Variants in GRIN2A observed in about 807,000 individuals in gnomAD.
The protein encoded by GRIN2A is glutamate receptor ionotropic, NMDA 2A.
GRIN2A carries 22 observed loss-of-function variants against 113.4 expected under a neutral mutation model. That is an observed-to-expected ratio of 0.19 (90% CI 0.14 to 0.28). The LOEUF is 0.28. GRIN2A is among the 10% of genes least tolerant of loss of function. The pLI, the probability that GRIN2A is intolerant of heterozygous loss-of-function variation, is 1.00. For missense variants in GRIN2A, 1,502 were observed against 1,887.0 expected, an observed-to-expected ratio of 0.80 and a Z score of 3.78; for synonymous variants, 827 against 738.4, an observed-to-expected ratio of 1.12 and a Z score of -1.94.
chr16:10,154,088 C>T (rs543688267), intron 2 of GRIN2A, among the ~76,000 whole-genome samples: 1 of 152,306 alleles, frequency 6.6e-6, no homozygotes, highest in South Asian at 2.1e-4. Flanking sequence ...GAGCCCTTTC[C>T]TGGCCCCTTG....
chr16:9,873,313 A>G (rs1370109116), intron 4 of GRIN2A, among the ~76,000 whole-genome samples: 1 of 152,230 alleles, frequency 6.6e-6, no homozygotes, highest in Non-Finnish European at 1.5e-5. Flanking sequence ...TATGCATGTA[A>G]CAAAATTACA....
In GRIN2A at chr16:10,181,955, T is replaced by A. The variant is rs1399783931; in HGVS notation, c.-97A>T. ...CTCGGCCGCCTCAGCAGCCACCGGG[T>A]TTAGCGGGTTCCCGCATGCTGCGGC... is the stretch of plus-strand genomic sequence containing the variant. On this transcript the variant is annotated 5_prime_UTR_variant, in exon 1 of 13. Coordinates refer to ENST00000330684, the MANE Select transcript of GRIN2A (RefSeq NM_001134407.3). 6.5e-6 allele frequency: 1 copy of A among 152,728 alleles called. No individual in the cohort carries two copies. Among genetic ancestry groups the A allele is most frequent in the East Asian group, 1.9e-4 (1 of 5,170 alleles). 9.5% of individuals were successfully genotyped at this position (152,728 alleles called of 1,614,324 possible). A position where few individuals can be genotyped will look rare whatever the true frequency, so the allele number is the denominator to read the frequency against.
chr16:10,011,748 A>C (rs1197972032), intron 2 of GRIN2A, among the ~76,000 whole-genome samples: 1 of 152,150 alleles, frequency 6.6e-6, no homozygotes, highest in Non-Finnish European at 1.5e-5. Flanking sequence ...CAGAATCAGA[A>C]AGTGGGAATC....
At chr16:9,806,237 A>G (rs1365118172) in intron 10 of GRIN2A, among the ~76,000 whole-genome samples, 1 of 152,248 alleles carries the variant, frequency 6.6e-6, no homozygotes, top group Non-Finnish European at 1.5e-5. Flanking sequence ...TTACTAATTT[A>G]TAACTTCTGC....
In GRIN2A at chr16:9,769,331, A is replaced by G. The variant is rs1489197309; in HGVS notation, c.2357-242T>C. 2.4e-5 allele frequency: 5 copies of G among 211,006 alleles called. 1 individual carries two copies. Among genetic ancestry groups the G allele is most frequent in the Non-Finnish European group, 4.7e-5 (5 of 106,936 alleles). The allele number at this position is 211,006 out of a possible 1,614,324, so 13.1% of individuals were successfully genotyped here. On this transcript the variant is annotated intron_variant, in intron 11 of 12. Transcript: ENST00000330684. ...TATAAAAATAGAGAATATAATATAT[A>G]TATAGAGAGAGAGTATAGCAAACTT...
rs761603652 is a variant in GRIN2A at position 9,938,474 on chromosome 16, A to G, written c.492T>C (p.Asp164=). The G allele has an allele frequency of 1.9e-6, 3 of 1,613,496 alleles. No homozygotes were observed. In the East Asian group the frequency reaches 6.7e-5, roughly 36 times the overall value. The part of the protein sequence containing the change: ...QATVMLKIMQ[D]YDWHVFSLVT... ...CCAGGGAGAAGACATGCCAGTCATA[A>G]TCCTGCATGATCTTCAGCATGACCG... is the stretch of plus-strand genomic sequence containing the variant. The change falls in exon 3 of 13, where the codon GAT becomes GAC. Residue 164 remains aspartate (D), a synonymous_variant. Transcript: ENST00000330684.
intron 2 of GRIN2A, among the ~76,000 whole-genome samples, chr16:10,095,871 A>C (rs555028527): frequency 1.2e-4 from 18 of 151,472 alleles, no homozygotes; most frequent in South Asian, 8.4e-4. Flanking sequence ...ATATTCCTAC[A>C]AAAAAAAAGT....
At chr16:9,860,114 C>A (rs1299781694) in intron 4 of GRIN2A, among the ~76,000 whole-genome samples, 1 of 151,998 alleles carries the variant, frequency 6.6e-6, no homozygotes, top group East Asian at 1.9e-4. Flanking sequence ...AAGAACACAG[C>A]TTCCTAATCT....
chr16:9,860,925 A>G (rs2043056640), intron 4 of GRIN2A, among the ~76,000 whole-genome samples: 1 of 152,238 alleles, frequency 6.6e-6, no homozygotes, highest in Admixed American at 6.5e-5. Flanking sequence ...ACTGAATTCA[A>G]TTCTGACTGT....
intron 2 of GRIN2A, among the ~76,000 whole-genome samples, chr16:9,998,835 T>C (rs1298146896): frequency 6.6e-6 from 1 of 152,050 alleles, no homozygotes; most frequent in African/African-American, 2.4e-5. Flanking sequence ...CTCCCCCTCC[T>C]GCAAAAACTT....
At position 10,173,158 on chromosome 16, in the gene GRIN2A, T is replaced by C. The variant is rs115260542; in HGVS notation, c.414+6840A>G. 1.9e-3 allele frequency among the ~76,000 whole-genome samples: 295 copies of C among 152,344 alleles called. 2 individuals are homozygous for C. The highest frequency in any genetic ancestry group is 6.9e-3 in the African/African-American group (286 of 41,584). Reference sequence around the variant, plus strand: ...GAGGTGTTGATGATCGCATCTGACATGCCTCATGGAAAAGACTAAAGATAG... The same window carrying C: ...GAGGTGTTGATGATCGCATCTGACACGCCTCATGGAAAAGACTAAAGATAG... On this transcript the variant is annotated intron_variant, in intron 2 of 12. Transcript: ENST00000330684.
At chr16:10,172,616 C>G (rs2050065371) in intron 2 of GRIN2A, among the ~76,000 whole-genome samples, 1 of 152,180 alleles carries the variant, frequency 6.6e-6, no homozygotes, top group African/African-American at 2.4e-5. Flanking sequence ...GGGATCGTGG[C>G]AGGTGGGGTT....
chr16:9,830,936 C>A (rs1381832241), intron 8 of GRIN2A, among the ~76,000 whole-genome samples: 1 of 151,648 alleles, frequency 6.6e-6, no homozygotes, highest in Non-Finnish European at 1.5e-5. Context: ...TTTAGGGATG[C>A]ACACTGATCA....
chr16:10,081,797 G>T (rs1264080370), intron 2 of GRIN2A, among the ~76,000 whole-genome samples: 1 of 152,076 alleles, frequency 6.6e-6, no homozygotes, highest in African/African-American at 2.4e-5. Flanking sequence ...ACTGGACCAG[G>T]GTCAGGCTAT....
chr16:10,123,349 C>A (rs780930812), intron 2 of GRIN2A, among the ~76,000 whole-genome samples: 1 of 151,950 alleles, frequency 6.6e-6, no homozygotes, highest in Non-Finnish European at 1.5e-5. Context: ...TTTTTTAAAG[C>A]CTTGGATCAA....
At chr16:10,138,238 T>C (rs1393247113) in intron 2 of GRIN2A, among the ~76,000 whole-genome samples, 1 of 152,174 alleles carries the variant, frequency 6.6e-6, no homozygotes, top group Non-Finnish European at 1.5e-5. Flanking sequence ...GAGGGCTGAG[T>C]TTGAAACCAC....
intron 2 of GRIN2A, among the ~76,000 whole-genome samples, chr16:10,035,102 T>C (rs1273873835): frequency 6.6e-6 from 1 of 152,144 alleles, no homozygotes; most frequent in African/African-American, 2.4e-5. Flanking sequence ...CACAACTCAC[T>C]ACAGCCTTGA....
At chr16:9,943,169 T>TAC (rs1265729318) in intron 2 of GRIN2A, 1 of 152,266 alleles carries the variant, frequency 6.6e-6, no homozygotes, top group East Asian at 1.9e-4. Context: ...TTTCGGATTC[T>TAC]ACATATCAGC....
At position 10,029,276 on chromosome 16, in the gene GRIN2A, C is replaced by A. The variant is rs532777497; in HGVS notation, c.415-90725G>T. 6.0e-4 allele frequency among the ~76,000 whole-genome samples: 91 copies of A among 152,184 alleles called. 1 individual carries two copies. The highest frequency in any genetic ancestry group is 2.0e-3 in the African/African-American group (84 of 41,518). On this transcript the variant is annotated intron_variant, in intron 2 of 12. Transcript: ENST00000330684. ...ATGGCACAATCTTGGCTCACCGCAA[C>A]CTCCGCCTTCCAGGTTCAAGGGATT...
Sources: gnomAD v4.1 joint callset for allele counts (sites outside exome capture counted in the v4.1 genomes callset) on GRCh38, gnomAD v4.1.1 for gene constraint, MANE v1.5 for transcripts, NCBI Gene and HGNC (gene_info 2026-07-23, HGNC 2026-07-21) for gene names.